The following SARS2 variants were observed in gnomAD, a reference collection of about 807,000 sequenced individuals.
The protein encoded by SARS2 is seryl-tRNA synthetase 2, mitochondrial.
A neutral mutation model predicts 66.8 loss-of-function variants in SARS2; 52 were observed. The observed-to-expected ratio is 0.78, with a 90% confidence interval of 0.62 to 0.98. The LOEUF (loss-of-function observed/expected upper bound fraction) is 0.98. SARS2 is among the 50% of genes least tolerant of loss of function. The pLI, the probability that SARS2 is intolerant of heterozygous loss-of-function variation, is 0.00. For synonymous variants in SARS2, 306 were observed against 281.4 expected, an observed-to-expected ratio of 1.09 and a Z score of -0.87; for missense variants, 673 against 706.3, an observed-to-expected ratio of 0.95 and a Z score of 0.53.
At chr19:38,928,916 T>C (rs1388376927) in intron 1 of SARS2, among the ~76,000 whole-genome samples, 2 of 152,206 alleles carry the variant, frequency 1.3e-5, no homozygotes, top group African/African-American at 4.8e-5. Flanking sequence ...TGTATAGTTG[T>C]ATATGTTAAA....
At chr19:38,920,679 AGATACACG>A (rs957095688) in intron 5 of SARS2, among the ~76,000 whole-genome samples, 8 of 152,000 alleles carry the variant, frequency 5.3e-5, no homozygotes, top group African/African-American at 1.7e-4. Flanking sequence ...ACAGACACAC[AGATACACG>A]GATACAGACA....
chr19:38,928,067 C>A (rs969242373), intron 1 of SARS2, among the ~76,000 whole-genome samples: 1 of 151,006 alleles, frequency 6.6e-6, no homozygotes, highest in Non-Finnish European at 1.5e-5. Context: ...AAATGCACGT[C>A]TAAACTACTA....
At chr19:38,918,242 G>C in intron 9 of SARS2, 103 bp from the exon 10 acceptor site, 1 of 1,304,936 alleles carries the variant, frequency 7.7e-7, no homozygotes, top group South Asian at 1.3e-5. Flanking sequence ...CCCAGGTCAA[G>C]GCCCGGGGCT....
chr19:38,920,140 A>G lies in SARS2; in HGVS notation c.599T>C (p.Phe200Ser), dbSNP rs1375372481. Reference protein sequence around the residue: ...HMVGDKPVFSFQPRGHLEIGE... With the variant: ...HMVGDKPVFSSQPRGHLEIGE... ...AATTTCCAGGTGGCCCCGAGGTTGG[A>G]AGGAGAAAACTGGATGTGGGTGAAA... Residue 200 changes from phenylalanine to serine, a missense_variant, in exon 6 of 16, where the codon TTC becomes TCC. By Grantham distance (155) the Phe-to-Ser change is radical (BLOSUM62 -2). Coordinates refer to ENST00000221431, the MANE Select transcript of SARS2 (RefSeq NM_017827.4). 1.3e-6 allele frequency: 2 copies of G among 1,560,012 alleles called. No individual in the cohort carries two copies. Among genetic ancestry groups the G allele is most frequent in the Non-Finnish European group, 1.7e-6 (2 of 1,151,268 alleles).
At position 38,920,170 on chromosome 19, in the gene SARS2, C is replaced by T. The variant is rs1049649151; in HGVS notation, c.590-21G>A. The stretch of plus-strand genomic sequence containing the variant: ...GAAAACTGGATGTGGGTGAAAAGCA[C>T]CGGTGTAAGGCAGCGGGGAGAGAGG... On this transcript the variant is annotated intron_variant, in intron 5 of 15. Coordinates refer to ENST00000221431, the MANE Select transcript of SARS2 (RefSeq NM_017827.4). 3.2e-6 allele frequency: 5 copies of T among 1,552,516 alleles called. No homozygotes were observed. In the African/African-American group the frequency reaches 6.8e-5, roughly 21 times the overall value.
chr19:38,928,035 A>G (rs1453963502), intron 1 of SARS2, among the ~76,000 whole-genome samples: 1 of 151,906 alleles, frequency 6.6e-6, no homozygotes, highest in East Asian at 1.9e-4. Context: ...TCCATCTCAA[A>G]CAAACAAACA....
rs1290909544 is a variant in SARS2 at position 38,921,421 on chromosome 19, C to T, written c.560G>A (p.Arg187Gln). 5.0e-6 allele frequency: 8 copies of T among 1,613,922 alleles called. No homozygotes were observed. Among genetic ancestry groups the T allele is most frequent in the Middle Eastern group, 1.7e-4 (1 of 5,884 alleles). ...CTTGTCTCCGACCATGTGGAGCACTCGAGCCTGGCTCTCATCCCCGACGGG... is the reference window on the plus strand; with the variant it reads ...CTTGTCTCCGACCATGTGGAGCACTTGAGCCTGGCTCTCATCCCCGACGGG... ...DVPVGDESQA[R>Q]VLHMVGDKPV... is the part of the protein sequence containing the mutation. Residue 187 changes from arginine to glutamine, a missense_variant, in exon 5 of 16, where the codon CGA becomes CAA. Coordinates refer to ENST00000221431, the MANE Select transcript of SARS2 (RefSeq NM_017827.4).
At chr19:38,919,222 G>A (rs1445443768) in intron 7 of SARS2, among the ~76,000 whole-genome samples, 1 of 152,206 alleles carries the variant, frequency 6.6e-6, no homozygotes, top group East Asian at 1.9e-4. Flanking sequence ...GGGAGGTGGA[G>A]GTTGCAGTGA....
In SARS2 at chr19:38,918,528, T is replaced by C. The variant is rs770105652; in HGVS notation, c.810A>G (p.Glu270=). ...VPDLLRGAVF[E]GCGMTPNANP... is the part of the protein sequence containing the mutation. ...TGGCATTTGGTGTCATCCCACAGCC[T>C]TCCTGGGGGAGGAGGCCAGGCCACA... Residue 270 remains glutamate (E), a splice_region_variant and synonymous_variant, in exon 9 of 16, where the codon GAA becomes GAG. Transcript: ENST00000221431. 17 of 1,609,776 alleles carry C rather than the reference T, an allele frequency of 1.1e-5. No homozygotes were observed. The East Asian group carries it at 2.9e-4, about 27-fold the overall frequency.
In SARS2 at chr19:38,918,683, T is replaced by A. The variant is rs543051739; in HGVS notation, c.807+83A>T. On this transcript the variant is annotated intron_variant, in intron 8 of 15. Transcript: ENST00000221431. ...CCCCCTCAACCCAGCCCCAGGGCGG[T>A]CTCCTCAGGTTTCCCTGCCTCGGGC... 2.6e-5 allele frequency: 39 copies of A among 1,499,508 alleles called. No individual in the cohort carries two copies. In the South Asian group the frequency reaches 3.7e-4, roughly 14 times the overall value. 92.9% of individuals were successfully genotyped at this position (1,499,508 alleles called of 1,614,324 possible). A position where few individuals can be genotyped will look rare whatever the true frequency, so the allele number is the denominator to read the frequency against.
chr19:38,917,792 G>C lies in SARS2; in HGVS notation c.1092C>G (p.Ser364Arg). The C allele has an allele frequency of 6.2e-7, 1 of 1,614,110 alleles. No homozygotes were observed. The highest frequency in any genetic ancestry group is 8.5e-7 in the Non-Finnish European group (1 of 1,179,970). ...FGVTGPGLEQ[S>R]SQLLEEFLSL... The stretch of plus-strand genomic sequence containing the variant: ...ACAGGAACTCCTCCAGCAGCTGTGA[G>C]CTCTGCTCCAGCCCAGGGCCTGTCA... Residue 364 changes from serine to arginine, a missense_variant, in exon 12 of 16, where the codon AGC (serine) becomes AGG (arginine). Coordinates refer to ENST00000221431, the MANE Select transcript of SARS2 (RefSeq NM_017827.4).
Position 38,918,329 on chromosome 19 carries a change from G to A in SARS2, c.916+93C>T, listed in dbSNP as rs1974455434. 3.9e-6 allele frequency: 5 copies of A among 1,274,352 alleles called. No homozygotes were observed. The Admixed American group carries it at 5.5e-5, about 14-fold the overall frequency. The allele number at this position is 1,274,352 out of a possible 1,614,324, so 78.9% of individuals were successfully genotyped here. On this transcript the variant is annotated intron_variant, in intron 9 of 15. Coordinates refer to ENST00000221431, the MANE Select transcript of SARS2 (RefSeq NM_017827.4). ...TGGCCCTGGGGCTGCTGAGCTGCTC[G>A]GGGCAGGTGATCCCCCCCAGTGCTC... is the stretch of plus-strand genomic sequence containing the variant.
chr19:38,924,439 G>A (rs1037086885), intron 2 of SARS2, among the ~76,000 whole-genome samples: 3 of 152,182 alleles, frequency 2.0e-5, no homozygotes, highest in African/African-American at 7.2e-5. Context: ...CCTGAGATGA[G>A]TTAGCACTCA....
intron 5 of SARS2, among the ~76,000 whole-genome samples, chr19:38,920,734 G>A (rs543487055): frequency 6.8e-6 from 1 of 147,734 alleles, no homozygotes; most frequent in East Asian, 2.0e-4. Flanking sequence ...TACACACAAA[G>A]ACACAGATAC....
chr19:38,922,402 C>T, intron 2 of SARS2, 135 bp from the exon 3 acceptor site: 2 of 817,646 alleles, frequency 2.4e-6, no homozygotes, highest in Non-Finnish European at 4.2e-6. Flanking sequence ...GGTCCCTCTG[C>T]AACTCTGTGT....
intron 7 of SARS2, among the ~76,000 whole-genome samples, chr19:38,919,475 G>A (rs1447811435): frequency 6.6e-6 from 1 of 152,160 alleles, no homozygotes; most frequent in African/African-American, 2.4e-5. Context: ...AGGCAGTGAG[G>A]TGCAATGATT....
chr19:38,921,440 C>G lies in SARS2; in HGVS notation c.541G>C (p.Gly181Arg). The change falls in exon 5 of 16, where the codon GGG (glycine) becomes CGG (arginine). Residue 181 changes from glycine (G) to arginine (R), a missense_variant. Gly to Arg is a moderately radical substitution (Grantham distance 125, BLOSUM62 -2). Transcript: ENST00000221431. ...PNQTHPDVPV[G>R]DESQARVLHM... Reference sequence around the variant, plus strand: ...AGCACTCGAGCCTGGCTCTCATCCCCGACGGGCTGCAGGGAGACAGCAGGA... The same window carrying G: ...AGCACTCGAGCCTGGCTCTCATCCCGGACGGGCTGCAGGGAGACAGCAGGA... 2 of 1,614,042 alleles carry G rather than the reference C, an allele frequency of 1.2e-6. No homozygotes were observed. Among genetic ancestry groups the G allele is most frequent in the South Asian group, 1.1e-5 (1 of 91,080 alleles).
chr19:38,928,424 C>T (rs868052495), intron 1 of SARS2: 2 of 68,108 alleles, frequency 2.9e-5, no homozygotes, highest in Admixed American at 3.7e-4. Context: ...GGCCCCCCCC[C>T]CCGCAAAAAA....
At chr19:38,930,245 A>C (rs1974709647) in intron 1 of SARS2, 1 of 598,418 alleles carries the variant, frequency 1.7e-6, no homozygotes, top group Non-Finnish European at 2.9e-6. Flanking sequence ...AAACAAGCGC[A>C]TAATGGGTGT....
Sources: allele counts gnomAD v4.1 joint callset (sites outside exome capture counted in the v4.1 genomes callset), GRCh38; gene constraint gnomAD v4.1.1; transcripts MANE v1.5; gene names NCBI Gene and HGNC (gene_info 2026-07-23, HGNC 2026-07-21).